Variants in PDE4A observed in about 807,000 individuals in gnomAD.
PDE4A encodes the protein 3',5'-cyclic-AMP phosphodiesterase 4A.
Under a neutral mutation model 73.9 loss-of-function variants are expected in PDE4A, and 21 were observed. The observed-to-expected ratio is 0.28, with a 90% CI of 0.20 to 0.41. The LOEUF is 0.41. Among genes scored for constraint, PDE4A ranks in the 10% least tolerant of loss-of-function variants. The pLI is 1.00. For synonymous variants in PDE4A, 463 were observed against 505.4 expected, an observed-to-expected ratio of 0.92 and a Z score of 1.13; for missense variants, 958 against 1,211.4, an observed-to-expected ratio of 0.79 and a Z score of 3.10.
At chr19:10,423,616 C>T (rs2042679067) in intron 1 of PDE4A, among the ~76,000 whole-genome samples, 2 of 152,176 alleles carry the variant, frequency 1.3e-5, no homozygotes, top group Admixed American at 1.3e-4. Flanking sequence ...CTTTTGTTGG[C>T]ACTGCCATGT....
chr19:10,443,131 C>G (rs1461626178), intron 1 of PDE4A, among the ~76,000 whole-genome samples: 8 of 151,816 alleles, frequency 5.3e-5, no homozygotes, highest in African/African-American at 1.9e-4. Context: ...TATGATGGTT[C>G]CACTGCACTC....
Position 10,446,264 on chromosome 19 carries a change from C to G in PDE4A, c.367C>G (p.Leu123Val). The change falls in exon 2 of 15, where the codon CTG becomes GTG. Residue 123 changes from leucine to valine, a missense_variant. Coordinates refer to ENST00000380702, the MANE Select transcript of PDE4A (RefSeq NM_001111307.2). ...GPTPSPGRSP[L>V]DSQASPGLVL... is the part of the protein sequence containing the mutation. ...GACACCATCTCCTGGCCGCAGCCCC[C>G]TGGACTCGCAGGCGAGCCCAGGACT... The G allele has an allele frequency of 3.1e-6, 5 of 1,601,054 alleles. No homozygotes were observed. Among genetic ancestry groups the G allele is most frequent in the Non-Finnish European group, 4.3e-6 (5 of 1,174,202 alleles).
intron 1 of PDE4A, among the ~76,000 whole-genome samples, chr19:10,426,946 A>G (rs1460755443): frequency 6.6e-6 from 1 of 151,762 alleles, no homozygotes; most frequent in Non-Finnish European, 1.5e-5. Flanking sequence ...AAAAAGAGGG[A>G]TCCTGAGGTC....
At chr19:10,436,136 G>T (rs1403862852) in intron 1 of PDE4A, among the ~76,000 whole-genome samples, 1 of 152,150 alleles carries the variant, frequency 6.6e-6, no homozygotes, top group Non-Finnish European at 1.5e-5. Context: ...GGAGTTGGAG[G>T]TGTGTAGCTA....
rs79758628 is a variant in PDE4A, at chr19:10,455,418, C to T, written c.877+496C>T. ...GGTGGAGGTTGCAGTGAGCCGAGAT[C>T]GCTCCATTGCACTCCAGCCTAGGCA... On this transcript the variant is annotated intron_variant, in intron 7 of 14. Coordinates refer to ENST00000380702, the MANE Select transcript of PDE4A (RefSeq NM_001111307.2). Among the ~76,000 whole-genome samples, 716 of 150,022 alleles carry T rather than the reference C, an allele frequency of 4.8e-3. 13 individuals are homozygous for T. The highest frequency in any genetic ancestry group is 0.033 in the East Asian group (167 of 5,104).
In PDE4A at chr19:10,460,038, G is replaced by A. The variant is rs537670911; in HGVS notation, c.1365+279G>A. On this transcript the variant is annotated intron_variant, in intron 10 of 14. Transcript: ENST00000380702. ...TGGGACTACAGGTGCCCACCACCAC[G>A]CCTGGCTAAGTTTTTATAATATTTT... Among the ~76,000 whole-genome samples the A allele has an allele frequency of 9.2e-5, 14 of 152,066 alleles. No homozygotes were observed. The South Asian group carries it at 2.7e-3, about 29-fold the overall frequency.
At position 10,424,055 on chromosome 19, in the gene PDE4A, C is replaced by T. The variant is rs1040133168; in HGVS notation, c.320+2971C>T. Among the ~76,000 whole-genome samples, 1 of 152,228 alleles carries T rather than the reference C, an allele frequency of 6.6e-6. No individual in the cohort carries two copies. The highest frequency in any genetic ancestry group is 2.4e-5 in the African/African-American group (1 of 41,452). On this transcript the variant is annotated intron_variant, in intron 1 of 14. Coordinates refer to ENST00000380702, the MANE Select transcript of PDE4A (RefSeq NM_001111307.2). This position sits in a 1 kb window ranked among gnomAD's most constrained non-coding sequence, Gnocchi z 4.8. ...TCCAGCTACCGCAAAAGGAGTCCAGCGAGCTCCCCCGATTTGGGTCAAAGG... is the reference window on the plus strand; with the variant it reads ...TCCAGCTACCGCAAAAGGAGTCCAGTGAGCTCCCCCGATTTGGGTCAAAGG...
intron 2 of PDE4A, 98 bp downstream of exon 2, chr19:10,446,507 T>A (rs2043007148): frequency 2.4e-5 from 34 of 1,406,152 alleles, no homozygotes; most frequent in Non-Finnish European, 3.2e-5. Flanking sequence ...ACCCCTATCC[T>A]CCTCAGCACT....
intron 1 of PDE4A, chr19:10,432,332 G>A (rs2042804509): frequency 7.9e-7 from 1 of 1,268,654 alleles, no homozygotes. Context: ...TGGAGGCGGT[G>A]CCGGCAGTGG....
chr19:10,416,978 G>C (rs555560490), upstream of PDE4A: 10 of 1,541,688 alleles, frequency 6.5e-6, no homozygotes, highest in East Asian at 2.2e-4. Context: ...CCGTGGCAGG[G>C]ACCGGGGACG....
intron 13 of PDE4A, 185 bp from the exon 14 acceptor site, chr19:10,463,608 G>GGCCA (rs1340660095): frequency 1.7e-6 from 1 of 581,550 alleles, no homozygotes; most frequent in Admixed American, 6.4e-5. Flanking sequence ...TCACCATGTT[G>GGCCA]GCCAGGCTGG....
rs1323737187 is a variant in PDE4A at position 10,453,891 on chromosome 19, C to T, written c.784-938C>T. Among the ~76,000 whole-genome samples, 1 of 152,038 alleles carries T rather than the reference C, an allele frequency of 6.6e-6. No individual in the cohort carries two copies. Among genetic ancestry groups the T allele is most frequent in the Non-Finnish European group, 1.5e-5 (1 of 68,004 alleles). On this transcript the variant is annotated intron_variant, in intron 6 of 14. Transcript: ENST00000380702. The surrounding 1 kb of genome is among the most constrained non-coding windows in gnomAD (Gnocchi z 4.6). Reference sequence around the variant, plus strand: ...CTGTACCCAGGGTCTCTGGGTGGCACCGGGAGGAGGGAGCACCCCGTCCAA... The same window carrying T: ...CTGTACCCAGGGTCTCTGGGTGGCATCGGGAGGAGGGAGCACCCCGTCCAA...
rs151285458 is a variant in PDE4A, at chr19:10,440,850, G to A, written c.321-5368G>A. 1.9e-4 allele frequency among the ~76,000 whole-genome samples: 29 copies of A among 151,610 alleles called. No individual in the cohort carries two copies. The East Asian group carries it at 4.9e-3, about 25-fold the overall frequency. On this transcript the variant is annotated intron_variant, in intron 1 of 14. Coordinates refer to ENST00000380702, the MANE Select transcript of PDE4A (RefSeq NM_001111307.2). ...CCTGACCTCGTGATCCACCCACCTCGGCCTCCCAAAGTGCTGGGATTACAG... is the reference window on the plus strand; with the variant it reads ...CCTGACCTCGTGATCCACCCACCTCAGCCTCCCAAAGTGCTGGGATTACAG...
chr19:10,426,339 G>T (rs1052215234), intron 1 of PDE4A, among the ~76,000 whole-genome samples: 1 of 152,094 alleles, frequency 6.6e-6, no homozygotes, highest in Non-Finnish European at 1.5e-5. Flanking sequence ...TGTCCAACCC[G>T]TGGCCCAGGA....
At chr19:10,421,164 G>C in intron 1 of PDE4A, 80 bp downstream of exon 1, 3 of 1,339,198 alleles carry the variant, frequency 2.2e-6, no homozygotes, top group Non-Finnish European at 2.9e-6. Flanking sequence ...GCCGCAGGGG[G>C]CGCTAGGATG....
intron 1 of PDE4A, among the ~76,000 whole-genome samples, chr19:10,429,513 T>G (rs1378390017): frequency 6.6e-6 from 1 of 152,112 alleles, no homozygotes; most frequent in Non-Finnish European, 1.5e-5. Context: ...ATTTTTGTCA[T>G]CTTTTGTAGA....
chr19:10,447,773 A>C (rs1448027358), intron 2 of PDE4A, among the ~76,000 whole-genome samples: 1 of 151,936 alleles, frequency 6.6e-6, no homozygotes, highest in Non-Finnish European at 1.5e-5. Flanking sequence ...CCCTTCCTCC[A>C]GGTTTTCCTA....
intron 14 of PDE4A, 123 bp from the exon 15 acceptor site, chr19:10,466,764 G>A: frequency 2.1e-6 from 3 of 1,455,194 alleles, no homozygotes; most frequent in Non-Finnish European, 2.8e-6. Flanking sequence ...AAAGTGCTGG[G>A]ATTATAGACA....
At chr19:10,434,736 G>A (rs1036805830) in intron 1 of PDE4A, among the ~76,000 whole-genome samples, 9 of 151,588 alleles carry the variant, frequency 5.9e-5, no homozygotes, top group African/African-American at 1.9e-4. Context: ...GATTACAAGC[G>A]CCCCGCCACC....
Sources: allele counts gnomAD v4.1 joint callset (sites outside exome capture counted in the v4.1 genomes callset), GRCh38; gene constraint gnomAD v4.1.1; non-coding constraint Gnocchi (gnomAD v3.1); transcripts MANE v1.5; gene names NCBI Gene and HGNC (gene_info 2026-07-23, HGNC 2026-07-21).